The following CENPW variants were observed in gnomAD, a reference collection of about 807,000 sequenced individuals.
CENPW encodes centromere protein W.
Under a neutral mutation model 11.1 loss-of-function variants are expected in CENPW, and 3 were observed. The ratio of observed to expected loss-of-function variants is 0.27; its 90% confidence interval spans 0.12 to 0.70. The LOEUF is 0.70. CENPW is among the 30% of genes least tolerant of loss of function. The pLI is 0.77. For missense variants in CENPW, 100 were observed against 105.6 expected (o/e 0.95, Z 0.23); for synonymous variants, 38 against 42.0 (o/e 0.91, Z 0.37).
chr6:126,388,169 CATCTATGAGCTAAG>C, the CENPW span, among the ~76,000 whole-genome samples: 1 of 151,870 alleles, frequency 6.6e-6, no homozygotes, highest in African/African-American at 2.4e-5. Flanking sequence ...GTCATAAAAC[CATCTATGAGCTAAG>C]ATATAAGCAT....
At chr6:126,357,155 T>C in the CENPW span, among the ~76,000 whole-genome samples, 1 of 149,900 alleles carries the variant, frequency 6.7e-6, no homozygotes, top group African/African-American at 2.4e-5. Context: ...TGCATATGGC[T>C]AGCCAGTTAT....
rs1216338785 is a variant in CENPW, at chr6:126,340,202, AGTGTCCCCGGAGCTT to A, written c.-67_-53del. On this transcript the variant is annotated 5_prime_UTR_variant, in exon 1 of 3. Transcript: ENST00000368328. ...CGGACCGGATTGTTTTCGCTGGCCC[AGTGTCCCCGGAGCTT>A]GTGTGCGATACAGAGAGCACCTCGG... is the stretch of plus-strand genomic sequence containing the variant. The A allele has an allele frequency of 1.4e-6, 2 of 1,425,910 alleles. No homozygotes were observed. The highest frequency in any genetic ancestry group is 1.8e-5 in the Admixed American group (1 of 56,036). 88.3% of individuals were successfully genotyped at this position (1,425,910 alleles called of 1,614,324 possible).
the CENPW span, among the ~76,000 whole-genome samples, chr6:126,405,882 A>AT: frequency 2.0e-5 from 3 of 151,700 alleles, no homozygotes; most frequent in Non-Finnish European, 2.9e-5. Flanking sequence ...CAATTCTAAG[A>AT]TTTTTTTGTG....
At chr6:126,344,785 A>G (rs1273474328) in intron 1 of CENPW, among the ~76,000 whole-genome samples, 1 of 152,220 alleles carries the variant, frequency 6.6e-6, no homozygotes, top group Non-Finnish European at 1.5e-5. Context: ...ACAATCTATT[A>G]AAGATTTCTG....
At chr6:126,355,619 A>C in the CENPW span, among the ~76,000 whole-genome samples, 12 of 152,262 alleles carry the variant, frequency 7.9e-5, no homozygotes, top group East Asian at 1.9e-3. Context: ...ATAATGCTGC[A>C]AAGGTAGATG....
the CENPW span, among the ~76,000 whole-genome samples, chr6:126,465,652 T>C: frequency 6.6e-6 from 1 of 152,102 alleles, no homozygotes; most frequent in Non-Finnish European, 1.5e-5. Flanking sequence ...CAGTATGTTT[T>C]TGACATAAAG....
the CENPW span, among the ~76,000 whole-genome samples, chr6:126,356,252 A>G: frequency 3.7e-4 from 57 of 152,102 alleles, no homozygotes; most frequent in Admixed American, 3.7e-3. Flanking sequence ...ATAAACCACA[A>G]TGTGATTATA....
chr6:126,483,174 A>G, the CENPW span, among the ~76,000 whole-genome samples: 2 of 151,830 alleles, frequency 1.3e-5, no homozygotes, highest in Admixed American at 1.3e-4. Flanking sequence ...GATTATTGGA[A>G]ACATTTATTT....
the CENPW span, among the ~76,000 whole-genome samples, chr6:126,460,695 A>C: frequency 1.3e-5 from 2 of 151,792 alleles, no homozygotes; most frequent in African/African-American, 4.8e-5. Context: ...GGGAAAAGAG[A>C]CCTCAGTATA....
At chr6:126,409,129 A>G in the CENPW span, among the ~76,000 whole-genome samples, 1 of 152,042 alleles carries the variant, frequency 6.6e-6, no homozygotes, top group South Asian at 2.1e-4. Flanking sequence ...TATATCTCAT[A>G]GGTTTAGTCG....
the CENPW span, among the ~76,000 whole-genome samples, chr6:126,451,197 T>G: frequency 6.6e-6 from 1 of 151,030 alleles, no homozygotes; most frequent in Non-Finnish European, 1.5e-5. Flanking sequence ...GGATTCTGCT[T>G]TGGGGCAGAA....
the CENPW span, among the ~76,000 whole-genome samples, chr6:126,411,637 G>A: frequency 2.0e-5 from 3 of 152,052 alleles, no homozygotes; most frequent in African/African-American, 7.2e-5. Context: ...CGTTGACCAG[G>A]TTGTAGCTGT....
the CENPW span, among the ~76,000 whole-genome samples, chr6:126,356,590 T>C: frequency 6.6e-6 from 1 of 152,172 alleles, no homozygotes; most frequent in Non-Finnish European, 1.5e-5. Flanking sequence ...TTTGCAGCTT[T>C]GCCAGCATCT....
At chr6:126,410,871 A>AT in the CENPW span, among the ~76,000 whole-genome samples, 5 of 151,966 alleles carry the variant, frequency 3.3e-5, no homozygotes, top group South Asian at 1.0e-3. Flanking sequence ...TCTTACTCAT[A>AT]TTCTGTGTGA....
the CENPW span, among the ~76,000 whole-genome samples, chr6:126,354,541 T>C: frequency 2.0e-5 from 3 of 152,148 alleles, no homozygotes; most frequent in Non-Finnish European, 4.4e-5. Flanking sequence ...ACCCACCTAA[T>C]ACAAAAAATC....
the CENPW span, among the ~76,000 whole-genome samples, chr6:126,455,859 A>G: frequency 6.6e-6 from 1 of 151,394 alleles, no homozygotes; most frequent in Non-Finnish European, 1.5e-5. Flanking sequence ...CTGATTAAAA[A>G]AAACTTCAGC....
At chr6:126,414,509 G>A in the CENPW span, among the ~76,000 whole-genome samples, 26 of 152,170 alleles carry the variant, frequency 1.7e-4, no homozygotes, top group African/African-American at 6.3e-4. Flanking sequence ...CTTTTGAAAG[G>A]TACAAATATA....
chr6:126,416,547 G>A, the CENPW span, among the ~76,000 whole-genome samples: 2 of 152,148 alleles, frequency 1.3e-5, no homozygotes, highest in African/African-American at 2.4e-5. Context: ...GGTCCAGGAG[G>A]AAAAAGTAGT....
At chr6:126,395,977 G>A in the CENPW span, among the ~76,000 whole-genome samples, 3 of 152,160 alleles carry the variant, frequency 2.0e-5, no homozygotes, top group African/African-American at 7.2e-5. Flanking sequence ...ACTGTGATAG[G>A]TCAGACCTGA....
Sources: allele counts gnomAD v4.1 joint callset (sites outside exome capture counted in the v4.1 genomes callset), GRCh38; gene constraint gnomAD v4.1.1; transcripts MANE v1.5; gene names NCBI Gene and HGNC (gene_info 2026-07-23, HGNC 2026-07-21).